Variants in UGT2A2 observed in about 807,000 individuals in gnomAD.
UGT2A2 encodes the protein UDP glucuronosyltransferase family 2 member A2.
A neutral mutation model predicts 50.7 loss-of-function variants in UGT2A2; 60 were observed. The observed-to-expected ratio is 1.18, with a 90% CI of 0.96 to 1.47. The LOEUF is 1.47. Ranked by LOEUF, UGT2A2 falls within the 40% of genes most tolerant of loss-of-function variation. UGT2A2 has a pLI of 0.00. For synonymous variants in UGT2A2, 242 were observed against 214.6 expected (o/e 1.13, Z -1.11); for missense variants, 762 against 634.0 (o/e 1.20, Z -2.17).
chr4:69,606,127 G>A (rs532754404), intron 1 of UGT2A2, among the ~76,000 whole-genome samples: 2 of 135,516 alleles, frequency 1.5e-5, no homozygotes, highest in South Asian at 2.4e-4. Flanking sequence ...CAAAAAAAGA[G>A]AATTTTAGAC....
rs1166187807 is a variant in UGT2A2 at position 69,604,509 on chromosome 4, C to A, written c.743-5115G>T. 1.5e-5 allele frequency among the ~76,000 whole-genome samples: 2 copies of A among 136,548 alleles called. 1 individual carries two copies. The allele number at this position is 136,548 out of a possible 152,430, so 89.6% of individuals were successfully genotyped here. ...CATCGAGGCTAGGAAGAAACTGCAT[C>A]AACTAATGAGCAAAATAACTAGCTA... is the stretch of plus-strand genomic sequence containing the variant. On this transcript the variant is annotated intron_variant, in intron 1 of 5. Coordinates refer to ENST00000604629, the MANE Select transcript of UGT2A2 (RefSeq NM_001105677.2).
In UGT2A2 at chr4:69,589,179, C is replaced by T. The variant is rs1393417153; in HGVS notation, c.*193G>A. On this transcript the variant is annotated 3_prime_UTR_variant, in exon 6 of 6. Transcript: ENST00000604629. ...ACAAAGGAAAAATAGAAGACTATAA[C>T]TCACAAGTTAATAATAATCATGCCA... The T allele has an allele frequency of 1.5e-6, 1 of 677,474 alleles. No homozygotes were observed. The highest frequency in any genetic ancestry group is 1.8e-5 in the African/African-American group (1 of 55,278). The allele number at this position is 677,474 out of a possible 1,614,324, so 42.0% of individuals were successfully genotyped here. A position where few individuals can be genotyped will look rare whatever the true frequency, so the allele number is the denominator to read the frequency against.
intron 1 of UGT2A2, among the ~76,000 whole-genome samples, chr4:69,607,557 A>G (rs911956939): frequency 1.3e-5 from 2 of 152,054 alleles, no homozygotes; most frequent in African/African-American, 4.8e-5. Flanking sequence ...ACAAAAGCCA[A>G]AATTGACAAA....
rs1316635567 is a variant in UGT2A2 at position 69,599,301 on chromosome 4, G to A, written c.836C>T (p.Pro279Leu). The A allele has an allele frequency of 3.1e-6, 5 of 1,613,640 alleles. No homozygotes were observed. Among genetic ancestry groups the A allele is most frequent in the Non-Finnish European group, 4.2e-6 (5 of 1,179,906 alleles). ...WDFEFPRPYL[P>L]NFEFVGGLHC... ...CAATCCTCCAACAAACTCAAAATTA[G>A]GTAAGTATGGACGAGGAAATTCAAA... Residue 279 changes from proline (P) to leucine (L), a missense_variant, in exon 2 of 6, where the codon CCT becomes CTT. By Grantham distance (98) the Pro-to-Leu change is moderately conservative (BLOSUM62 -3). Transcript: ENST00000604629.
At chr4:69,637,900 C>A in intron 1 of UGT2A2, among the ~76,000 whole-genome samples, 1 of 134,840 alleles carries the variant, frequency 7.4e-6, no homozygotes, top group Non-Finnish European at 1.6e-5. Flanking sequence ...GGAAGGAAGG[C>A]AAGAAGGAAG....
At chr4:69,601,626 G>GT (rs1447529073) in intron 1 of UGT2A2, among the ~76,000 whole-genome samples, 15 of 152,110 alleles carry the variant, frequency 9.9e-5, no homozygotes, top group Non-Finnish European at 1.9e-4. Context: ...CCACATGCCA[G>GT]TACGTTACTA....
At chr4:69,612,245 T>C (rs1720107468) in intron 1 of UGT2A2, among the ~76,000 whole-genome samples, 1 of 151,962 alleles carries the variant, frequency 6.6e-6, no homozygotes. Context: ...AAATAGAATA[T>C]AAAATTATTC....
chr4:69,611,477 T>G (rs532562784), intron 1 of UGT2A2, among the ~76,000 whole-genome samples: 2 of 152,036 alleles, frequency 1.3e-5, no homozygotes, highest in African/African-American at 4.8e-5. Flanking sequence ...ATGCACACAC[T>G]ATGACAAGGT....
Position 69,589,344 on chromosome 4 carries a change from A to AAT in UGT2A2, c.*26_*27dup, listed in dbSNP as rs961495032. The AAT allele has an allele frequency of 1.5e-5, 24 of 1,569,996 alleles. No homozygotes were observed. The highest frequency in any genetic ancestry group is 2.1e-5 in the Non-Finnish European group (24 of 1,159,394). ...TACTCAGGATTTTGCCAAACTTAAA[A>AAT]ATATATATATTTCCTCTTTTTCTTG... On this transcript the variant is annotated 3_prime_UTR_variant, in exon 6 of 6. Coordinates refer to ENST00000604629, the MANE Select transcript of UGT2A2 (RefSeq NM_001105677.2).
intron 1 of UGT2A2, 102 bp from the exon 2 acceptor site, chr4:69,599,496 A>T: frequency 3.3e-6 from 5 of 1,527,510 alleles, no homozygotes; most frequent in Non-Finnish European, 4.4e-6. Context: ...TTAAGAAAAA[A>T]CTGAATTAGG....
At chr4:69,596,697 T>G (rs1718955063) in intron 2 of UGT2A2, among the ~76,000 whole-genome samples, 1 of 152,118 alleles carries the variant, frequency 6.6e-6, no homozygotes, top group African/African-American at 2.4e-5. Flanking sequence ...GAGTTTTGTA[T>G]TTTTAGTAGA....
At chr4:69,613,567 A>G (rs1720194602) in intron 1 of UGT2A2, among the ~76,000 whole-genome samples, 1 of 152,030 alleles carries the variant, frequency 6.6e-6, no homozygotes, top group Non-Finnish European at 1.5e-5. Context: ...CATAGACACA[A>G]ACATCTTAAC....
Position 69,608,956 on chromosome 4 carries a change from T to C in UGT2A2, c.743-9562A>G, listed in dbSNP as rs551602315. Among the ~76,000 whole-genome samples, 107 of 152,270 alleles carry C rather than the reference T, an allele frequency of 7.0e-4. 1 individual carries two copies. The highest frequency in any genetic ancestry group is 2.3e-3 in the African/African-American group (96 of 41,574). On this transcript the variant is annotated intron_variant, in intron 1 of 5. Transcript: ENST00000604629. ...TTAAGACAGCATAAAAATCCTTTTT[T>C]TAATTTCATAGTAGAAAAGGATTTC...
rs956568674 is a variant in UGT2A2, at chr4:69,605,198, G to T, written c.743-5804C>A. Among the ~76,000 whole-genome samples, 13 of 136,610 alleles carry T rather than the reference G, an allele frequency of 9.5e-5. 2 individuals carry two copies. The highest frequency in any genetic ancestry group is 3.9e-4 in the African/African-American group (13 of 33,666). The allele number at this position is 136,610 out of a possible 152,430, so 89.6% of individuals were successfully genotyped here. A position where few individuals can be genotyped will look rare whatever the true frequency, so the allele number is the denominator to read the frequency against. On this transcript the variant is annotated intron_variant, in intron 1 of 5. Transcript: ENST00000604629. The stretch of plus-strand genomic sequence containing the variant: ...AAAGCACTCCTCAGCAAATGTAAAA[G>T]AACAGAAATTATAACAAACTGTCTC...
intron 1 of UGT2A2, among the ~76,000 whole-genome samples, chr4:69,620,291 GA>G (rs112020407): frequency 6.8e-6 from 1 of 148,078 alleles, no homozygotes; most frequent in Admixed American, 6.7e-5. Context: ...AAAGTTTCAG[GA>G]AAAAAAATCT....
At chr4:69,601,241 C>T (rs746343560) in intron 1 of UGT2A2, among the ~76,000 whole-genome samples, 16 of 152,272 alleles carry the variant, frequency 1.1e-4, no homozygotes, top group Non-Finnish European at 2.1e-4. Flanking sequence ...TCCCTCTGAT[C>T]CTCACTGTGA....
intron 1 of UGT2A2, among the ~76,000 whole-genome samples, chr4:69,632,211 G>T (rs904385416): frequency 6.6e-6 from 1 of 152,090 alleles, no homozygotes; most frequent in Admixed American, 6.5e-5. Flanking sequence ...AAATATAACA[G>T]AAATTACAAA....
chr4:69,636,674 C>T (rs2109964870), intron 1 of UGT2A2, among the ~76,000 whole-genome samples: 1 of 152,106 alleles, frequency 6.6e-6, no homozygotes. Flanking sequence ...TTTTTGGCTA[C>T]TTTCCATTTA....
At chr4:69,595,753 G>C (rs562350631) in intron 3 of UGT2A2, among the ~76,000 whole-genome samples, 18 of 152,160 alleles carry the variant, frequency 1.2e-4, no homozygotes, top group Non-Finnish European at 2.6e-4. Context: ...TTTTTAGCTA[G>C]AGAATATTCA....
Sources: gnomAD v4.1 joint callset for allele counts (sites outside exome capture counted in the v4.1 genomes callset) on GRCh38, gnomAD v4.1.1 for gene constraint, MANE v1.5 for transcripts, NCBI Gene and HGNC (gene_info 2026-07-23, HGNC 2026-07-21) for gene names.